MPPED2: variants seen among roughly 807,000 people sequenced by gnomAD.
The protein encoded by MPPED2 is metallophosphoesterase domain containing 2, also known as metallophosphoesterase MPPED2.
Under a neutral mutation model 33.0 loss-of-function variants are expected in MPPED2, and 5 were observed. The observed-to-expected ratio is 0.15, with a 90% confidence interval of 0.08 to 0.32. The LOEUF is 0.32. Ranked by LOEUF, MPPED2 falls within the 10% of genes least tolerant of loss-of-function variation. The pLI, the probability that MPPED2 is intolerant of heterozygous loss-of-function variation, is 1.00. For synonymous variants in MPPED2, 136 were observed against 141.9 expected (o/e 0.96, Z 0.29); for missense variants, 275 against 372.1 (o/e 0.74, Z 2.15).
intron 2 of MPPED2, among the ~76,000 whole-genome samples, chr11:30,549,927 A>T (rs1208733599): frequency 6.6e-6 from 1 of 152,116 alleles, no homozygotes; most frequent in Non-Finnish European, 1.5e-5. Flanking sequence ...TCTTTTGGGG[A>T]GGGGTGGCCA....
intron 4 of MPPED2, among the ~76,000 whole-genome samples, chr11:30,490,915 C>G (rs1951951797): frequency 1.3e-5 from 2 of 152,128 alleles, no homozygotes; most frequent in Admixed American, 1.3e-4. Context: ...ATGGCGATTA[C>G]TTTTGAGAAA....
intron 4 of MPPED2, among the ~76,000 whole-genome samples, chr11:30,426,269 T>C (rs1158414021): frequency 6.6e-6 from 1 of 152,234 alleles, no homozygotes; most frequent in Admixed American, 6.5e-5. Context: ...ATAGTCCTTT[T>C]GTGTCTGGCT....
intron 4 of MPPED2, among the ~76,000 whole-genome samples, chr11:30,470,336 T>C (rs1950894684): frequency 6.6e-6 from 1 of 152,002 alleles, no homozygotes; most frequent in Non-Finnish European, 1.5e-5. Context: ...AAATTATAGT[T>C]AGATGGGAGG....
At chr11:30,487,228 C>A (rs1377882647) in intron 4 of MPPED2, among the ~76,000 whole-genome samples, 1 of 152,174 alleles carries the variant, frequency 6.6e-6, no homozygotes, top group East Asian at 1.9e-4. Context: ...CAGCCATGTC[C>A]CAAAGTGGAG....
chr11:30,545,305 C>T (rs1382918078), intron 2 of MPPED2, among the ~76,000 whole-genome samples: 2 of 151,926 alleles, frequency 1.3e-5, no homozygotes, highest in South Asian at 2.1e-4. Flanking sequence ...GTGACAAAAC[C>T]AAATCCATTT....
At chr11:30,426,966 G>A (rs1221151117) in intron 4 of MPPED2, among the ~76,000 whole-genome samples, 2 of 152,144 alleles carry the variant, frequency 1.3e-5, no homozygotes, top group Non-Finnish European at 2.9e-5. Context: ...GAGCCTGCAA[G>A]GGTGGCGTGT....
chr11:30,424,485 T>C (rs1052479114), intron 4 of MPPED2, among the ~76,000 whole-genome samples: 2 of 152,212 alleles, frequency 1.3e-5, no homozygotes, highest in Non-Finnish European at 2.9e-5. Flanking sequence ...AAAATCATAC[T>C]GCACTTCACA....
intron 2 of MPPED2, among the ~76,000 whole-genome samples, chr11:30,572,527 T>C (rs1590906775): frequency 6.6e-6 from 1 of 152,138 alleles, no homozygotes; most frequent in East Asian, 1.9e-4. Flanking sequence ...AATTTCAGAT[T>C]GAGAACATTT....
At chr11:30,512,629 G>A (rs927274003) in intron 3 of MPPED2, among the ~76,000 whole-genome samples, 3 of 152,124 alleles carry the variant, frequency 2.0e-5, no homozygotes, top group Non-Finnish European at 2.9e-5. Flanking sequence ...ACCCTTTAAC[G>A]ATTATAAAGC....
At chr11:30,503,533 T>C (rs1008871975) in intron 3 of MPPED2, among the ~76,000 whole-genome samples, 2 of 152,070 alleles carry the variant, frequency 1.3e-5, no homozygotes, top group Non-Finnish European at 2.9e-5. Context: ...AGAGATCTGG[T>C]CAGCAAGGCT....
At chr11:30,486,985 C>T (rs1454092403) in intron 4 of MPPED2, among the ~76,000 whole-genome samples, 1 of 152,120 alleles carries the variant, frequency 6.6e-6, no homozygotes, top group African/African-American at 2.4e-5. Context: ...CATATCTCTA[C>T]CACCACCACC....
chr11:30,509,188 T>G (rs1953003195), intron 3 of MPPED2, among the ~76,000 whole-genome samples: 1 of 152,188 alleles, frequency 6.6e-6, no homozygotes. Flanking sequence ...GGGGCTTTTT[T>G]TACTGGGAAA....
At chr11:30,450,965 G>A (rs1301926223) in intron 4 of MPPED2, among the ~76,000 whole-genome samples, 1 of 152,188 alleles carries the variant, frequency 6.6e-6, no homozygotes, top group Non-Finnish European at 1.5e-5. Flanking sequence ...TGCATTTAAA[G>A]GATTCATAAA....
intron 2 of MPPED2, among the ~76,000 whole-genome samples, chr11:30,561,295 T>G (rs1956229090): frequency 6.6e-6 from 1 of 152,190 alleles, no homozygotes; most frequent in Non-Finnish European, 1.5e-5. Context: ...TCTTGAGCAT[T>G]CCAGAGCCAC....
intron 2 of MPPED2, among the ~76,000 whole-genome samples, chr11:30,574,084 G>A (rs902833671): frequency 6.6e-6 from 1 of 152,122 alleles, no homozygotes; most frequent in Non-Finnish European, 1.5e-5. Context: ...TATAAATTTA[G>A]TGTAGACTGT....
In MPPED2 at chr11:30,464,284, CACACACACACACACAT is replaced by C. The variant is rs1429296924; in HGVS notation, c.536+30996_536+31011del. Among the ~76,000 whole-genome samples, 7 of 151,722 alleles carry C rather than the reference CACACACACACACACAT, an allele frequency of 4.6e-5. No homozygotes were observed. In the East Asian group the frequency reaches 9.7e-4, roughly 21 times the overall value. On this transcript the variant is annotated intron_variant, in intron 4 of 6. Coordinates refer to ENST00000358117, the MANE Select transcript of MPPED2 (RefSeq NM_001584.3). ...AAGGATACTAACACACACACACACA[CACACACACACACACAT>C]ACCACTTGACTATCGTCTACATTTC...
chr11:30,411,594 G>C lies in MPPED2; in HGVS notation c.767-8C>G. ...CGGTCATGATGCCATAACCTGTGGG[G>C]AGAGCGTGTCACATTTACTGTAATA... On this transcript the variant is annotated splice_region_variant and splice_polypyrimidine_tract_variant and intron_variant, in intron 6 of 6. Coordinates refer to ENST00000358117, the MANE Select transcript of MPPED2 (RefSeq NM_001584.3). 1 of 1,609,362 alleles carries C rather than the reference G, an allele frequency of 6.2e-7. No homozygotes were observed. Among genetic ancestry groups the C allele is most frequent in the Non-Finnish European group, 8.5e-7 (1 of 1,176,694 alleles).
chr11:30,546,110 G>A (rs934416129), intron 2 of MPPED2, among the ~76,000 whole-genome samples: 17 of 152,152 alleles, frequency 1.1e-4, no homozygotes, highest in African/African-American at 4.1e-4. Context: ...ATGAGTCACC[G>A]TGCCCGGCCA....
chr11:30,578,136 G>A lies in MPPED2; in HGVS notation c.128+2110C>T, dbSNP rs367601088. Among the ~76,000 whole-genome samples, 50 of 152,244 alleles carry A rather than the reference G, an allele frequency of 3.3e-4. No homozygotes were observed. The South Asian group carries it at 9.8e-3, about 30-fold the overall frequency. On this transcript the variant is annotated intron_variant, in intron 2 of 6. Coordinates refer to ENST00000358117, the MANE Select transcript of MPPED2 (RefSeq NM_001584.3). ...GATTGGAAACGGATAGGTAGAAAAG[G>A]CTTAAGTGGAGGAACCTAAACTAGC...
Sources: allele counts gnomAD v4.1 joint callset (sites outside exome capture counted in the v4.1 genomes callset), GRCh38; gene constraint gnomAD v4.1.1; transcripts MANE v1.5; gene names NCBI Gene and HGNC (gene_info 2026-07-23, HGNC 2026-07-21).